CTIF: variants seen among roughly 807,000 people sequenced by gnomAD.
CTIF encodes cap binding complex dependent translation initiation factor.
CTIF carries 21 observed loss-of-function variants against 66.0 expected under a neutral mutation model. The ratio of observed to expected loss-of-function variants is 0.32; its 90% CI spans 0.23 to 0.46. CTIF has a LOEUF of 0.46. Among genes scored for constraint, CTIF ranks in the 20% least tolerant of loss-of-function variants. The pLI is 1.00. For missense variants in CTIF, 739 were observed against 812.7 expected, an observed-to-expected ratio of 0.91 and a Z score of 1.10; for synonymous variants, 345 against 326.4, an observed-to-expected ratio of 1.06 and a Z score of -0.62.
intron 8 of CTIF, 64 bp downstream of exon 8, chr18:48,758,469 T>G (rs4556859): frequency 6.5e-7 from 1 of 1,531,960 alleles, no homozygotes; most frequent in African/African-American, 1.4e-5. Context: ...GTAGGCACTT[T>G]GGTAGGTGGG....
chr18:48,608,207 G>T (rs1335601984), intron 1 of CTIF, among the ~76,000 whole-genome samples: 1 of 152,172 alleles, frequency 6.6e-6, no homozygotes, highest in Non-Finnish European at 1.5e-5. Context: ...TGATTGCCTG[G>T]TCTGAAGGGG....
chr18:48,614,909 T>C (rs942276339), intron 1 of CTIF, among the ~76,000 whole-genome samples: 3 of 152,126 alleles, frequency 2.0e-5, no homozygotes, highest in Non-Finnish European at 2.9e-5. Flanking sequence ...TTTTGTTTTG[T>C]TTTTGCTTTC....
At chr18:48,620,429 A>G (rs1436514248) in intron 2 of CTIF, among the ~76,000 whole-genome samples, 4 of 152,220 alleles carry the variant, frequency 2.6e-5, no homozygotes, top group African/African-American at 9.6e-5. Flanking sequence ...GACCCTATCA[A>G]GCATATCTTT....
intron 7 of CTIF, among the ~76,000 whole-genome samples, chr18:48,741,286 C>T (rs984318357): frequency 2.5e-4 from 36 of 141,986 alleles, no homozygotes; most frequent in Admixed American, 2.2e-3. Flanking sequence ...CCCCGCCCCC[C>T]CTCCTTGGTA....
At chr18:48,561,593 G>A (rs888397243) in intron 1 of CTIF, among the ~76,000 whole-genome samples, 1 of 152,176 alleles carries the variant, frequency 6.6e-6, no homozygotes, top group Non-Finnish European at 1.5e-5. Context: ...CCATCCCTGT[G>A]CCCCACTTTC....
chr18:48,797,228 A>G (rs568281827), intron 9 of CTIF, among the ~76,000 whole-genome samples: 1 of 152,324 alleles, frequency 6.6e-6, no homozygotes, highest in East Asian at 1.9e-4. Flanking sequence ...CACACCTGTG[A>G]TCCTAACACT....
intron 6 of CTIF, among the ~76,000 whole-genome samples, chr18:48,686,520 G>C (rs2091842491): frequency 1.4e-5 from 2 of 147,270 alleles, no homozygotes; most frequent in Non-Finnish European, 3.0e-5. Flanking sequence ...TGTGCTCATT[G>C]CTGCTCGGTT....
intron 2 of CTIF, among the ~76,000 whole-genome samples, chr18:48,624,553 G>A (rs1417928542): frequency 3.3e-5 from 5 of 152,208 alleles, no homozygotes; most frequent in East Asian, 1.9e-4. Flanking sequence ...TGTGATGTTC[G>A]TGGATGATCT....
chr18:48,772,531 C>T (rs1910267778), intron 9 of CTIF, among the ~76,000 whole-genome samples: 1 of 152,180 alleles, frequency 6.6e-6, no homozygotes, highest in Admixed American at 6.5e-5. Context: ...AATGCCTCCC[C>T]TCCATCTTCC....
chr18:48,808,334 T>C (rs2068192377), intron 9 of CTIF, among the ~76,000 whole-genome samples: 1 of 152,226 alleles, frequency 6.6e-6, no homozygotes, highest in East Asian at 1.9e-4. Flanking sequence ...TTATTACAAA[T>C]TTGAACACAC....
intron 7 of CTIF, among the ~76,000 whole-genome samples, chr18:48,727,017 G>A (rs148721384): frequency 1.1e-3 from 172 of 151,792 alleles, no homozygotes; most frequent in African/African-American, 3.9e-3. Context: ...CAGCACCTCA[G>A]GTACAGTTCA....
At chr18:48,708,459 T>G (rs766833819) in intron 6 of CTIF, among the ~76,000 whole-genome samples, 4 of 152,196 alleles carry the variant, frequency 2.6e-5, no homozygotes, top group Admixed American at 6.5e-5. Flanking sequence ...GTCAACACAG[T>G]GCCCCCCATT....
intron 2 of CTIF, among the ~76,000 whole-genome samples, chr18:48,624,380 T>C (rs1219802873): frequency 6.6e-6 from 1 of 152,136 alleles, no homozygotes; most frequent in East Asian, 1.9e-4. Flanking sequence ...CCACCCCACC[T>C]ACTTCTGGTT....
chr18:48,718,305 C>T (rs548884524), intron 7 of CTIF, among the ~76,000 whole-genome samples: 1 of 152,190 alleles, frequency 6.6e-6, no homozygotes. Flanking sequence ...TCAGAGTTTT[C>T]CAGAGAAACA....
At chr18:48,803,589 G>C (rs1404514154) in intron 9 of CTIF, among the ~76,000 whole-genome samples, 1 of 152,174 alleles carries the variant, frequency 6.6e-6, no homozygotes, top group African/African-American at 2.4e-5. Flanking sequence ...TGTTATTTCT[G>C]CGTGTGGTCC....
Position 48,829,440 on chromosome 18 carries a change from A to T in CTIF, c.1527+12064A>T, listed in dbSNP as rs141030687. ...AAACCGGGCACTGGGGGTGCAAAAA[A>T]TGGCCATCAGTTACTCCAGGTAACT... is the stretch of plus-strand genomic sequence containing the variant. On this transcript the variant is annotated intron_variant, in intron 10 of 11. Transcript: ENST00000256413. Among the ~76,000 whole-genome samples the T allele has an allele frequency of 2.2e-3, 332 of 152,344 alleles. 2 individuals are homozygous for T. Among genetic ancestry groups the T allele is most frequent in the South Asian group, 0.014 (67 of 4,828 alleles).
chr18:48,778,721 G>A (rs76662956), intron 9 of CTIF, among the ~76,000 whole-genome samples: 1 of 152,286 alleles, frequency 6.6e-6, no homozygotes, highest in Non-Finnish European at 1.5e-5. Context: ...GGATGGGCAT[G>A]GAGTACTACA....
intron 6 of CTIF, among the ~76,000 whole-genome samples, chr18:48,696,019 A>G (rs1348461141): frequency 6.6e-5 from 10 of 152,220 alleles, no homozygotes; most frequent in Admixed American, 5.9e-4. Context: ...GAACCTTTTG[A>G]AAACAGCCAA....
chr18:48,546,694 C>A (rs1047511233), intron 1 of CTIF, among the ~76,000 whole-genome samples: 2 of 152,022 alleles, frequency 1.3e-5, no homozygotes, highest in Non-Finnish European at 2.9e-5. Context: ...GTGACTGCAT[C>A]TCCTCCGAGA....
Sources: allele counts gnomAD v4.1 joint callset (sites outside exome capture counted in the v4.1 genomes callset), GRCh38; gene constraint gnomAD v4.1.1; transcripts MANE v1.5; gene names NCBI Gene and HGNC (gene_info 2026-07-23, HGNC 2026-07-21).